Variants in CHL1 observed in about 807,000 individuals in gnomAD.
CHL1 encodes the protein cell adhesion molecule L1 like.
In CHL1, 96 loss-of-function variants were observed where a neutral mutation model predicts 141.9. That is an observed-to-expected ratio of 0.68 (90% CI 0.57 to 0.80). CHL1 has a LOEUF of 0.80. CHL1 is among the 30% of genes least tolerant of loss of function. The probability of loss-of-function intolerance (pLI) is 0.00; values close to 1 mark genes in which losing one functional copy is unlikely to be tolerated. For synonymous variants in CHL1, 613 were observed against 502.2 expected, an observed-to-expected ratio of 1.22 and a Z score of -2.95; for missense variants, 1,820 against 1,457.2, an observed-to-expected ratio of 1.25 and a Z score of -4.05.
At chr3:339,071 T>G (rs1702160467) in intron 5 of CHL1, among the ~76,000 whole-genome samples, 1 of 152,192 alleles carries the variant, frequency 6.6e-6, no homozygotes, top group Non-Finnish European at 1.5e-5. Context: ...TAATCCATAT[T>G]TTATTTCCTC....
At chr3:212,762 T>C (rs1700006492) in intron 1 of CHL1, among the ~76,000 whole-genome samples, 2 of 152,160 alleles carry the variant, frequency 1.3e-5, no homozygotes, top group African/African-American at 2.4e-5. Context: ...ACTGCTCTTG[T>C]CTTCTCAAAG....
chr3:325,313 A>G (rs1442631113), intron 3 of CHL1, among the ~76,000 whole-genome samples: 1 of 152,030 alleles, frequency 6.6e-6, no homozygotes, highest in East Asian at 1.9e-4. Flanking sequence ...TTGTGTATAT[A>G]TTCTGTGGTG....
At chr3:312,904 T>C (rs1283621978) in intron 2 of CHL1, among the ~76,000 whole-genome samples, 5 of 152,232 alleles carry the variant, frequency 3.3e-5, no homozygotes, top group Non-Finnish European at 7.3e-5. Context: ...TATCTCTTCC[T>C]GCTGGCTATA....
intron 2 of CHL1, among the ~76,000 whole-genome samples, chr3:282,024 G>T (rs1696705611): frequency 6.6e-6 from 1 of 152,090 alleles, no homozygotes. Flanking sequence ...TACTGATAAG[G>T]TAGAATTGAT....
At chr3:396,185 A>C (rs1010476837) in intron 24 of CHL1, among the ~76,000 whole-genome samples, 6 of 152,164 alleles carry the variant, frequency 3.9e-5, no homozygotes, top group African/African-American at 1.4e-4. Flanking sequence ...AATTTCACTG[A>C]CTTTACCTAC....
chr3:296,427 T>C (rs1574989062), intron 2 of CHL1, among the ~76,000 whole-genome samples: 1 of 103,420 alleles, frequency 9.7e-6, no homozygotes, highest in South Asian at 4.3e-4. Context: ...GTCGCCTTTC[T>C]CTCATGCTTT....
Position 394,768 on chromosome 3 carries a change from C to G in CHL1, c.2990C>G (p.Ser997Ter). The change falls in exon 24 of 28, where the codon TCA becomes TGA. Residue 997 changes from serine to a stop codon, truncating the protein, a stop_gained. Coordinates refer to ENST00000256509, the MANE Select transcript of CHL1 (RefSeq NM_006614.4). LOFTEE classifies it high-confidence loss of function. ...CCATCAAAGCCCAGCTGGCACCTCT[C>G]AAACCTGAATGCAACTACCAAGTAC... ...TTPSKPSWHL[S>*]NLNATTKYKF... 1 of 1,613,958 alleles carries G rather than the reference C, an allele frequency of 6.2e-7. No homozygotes were observed. Among genetic ancestry groups the G allele is most frequent in the Non-Finnish European group, 8.5e-7 (1 of 1,179,886 alleles).
At chr3:261,238 A>T (rs1294247581) in intron 2 of CHL1, among the ~76,000 whole-genome samples, 1 of 152,052 alleles carries the variant, frequency 6.6e-6, no homozygotes, top group Non-Finnish European at 1.5e-5. Context: ...ATGTTTACTA[A>T]TTTATTTTTT....
intron 2 of CHL1, among the ~76,000 whole-genome samples, chr3:277,929 T>C (rs1696300834): frequency 6.6e-6 from 1 of 152,254 alleles, no homozygotes; most frequent in South Asian, 2.1e-4. Flanking sequence ...ATTTTACATC[T>C]CTGCATCTAA....
At chr3:324,552 CT>C (rs1700848092) in intron 3 of CHL1, among the ~76,000 whole-genome samples, 1 of 151,912 alleles carries the variant, frequency 6.6e-6, no homozygotes, top group African/African-American at 2.4e-5. Flanking sequence ...AGTTGTAATT[CT>C]CAGAAATGTA....
intron 1 of CHL1, among the ~76,000 whole-genome samples, chr3:209,871 A>G (rs1699758588): frequency 6.6e-6 from 1 of 152,204 alleles, no homozygotes; most frequent in African/African-American, 2.4e-5. Flanking sequence ...AGGATTTTGT[A>G]TTGCCCATTC....
intron 2 of CHL1, among the ~76,000 whole-genome samples, chr3:318,151 T>G (rs530226053): frequency 6.6e-6 from 1 of 151,984 alleles, no homozygotes; most frequent in East Asian, 1.9e-4. Flanking sequence ...AAGTAAAGCA[T>G]AAACAGTGTT....
At chr3:324,730 C>G (rs1700874666) in intron 3 of CHL1, among the ~76,000 whole-genome samples, 2 of 151,780 alleles carry the variant, frequency 1.3e-5, no homozygotes, top group Non-Finnish European at 2.9e-5. Context: ...CTTCAACCTC[C>G]TGGTCTCAAA....
chr3:216,483 T>C (rs1017029995), intron 1 of CHL1, among the ~76,000 whole-genome samples: 1 of 152,212 alleles, frequency 6.6e-6, no homozygotes, highest in Non-Finnish European at 1.5e-5. Flanking sequence ...CAGAATACTT[T>C]TATGAATGAA....
intron 2 of CHL1, among the ~76,000 whole-genome samples, chr3:276,756 G>T (rs922210084): frequency 7.2e-5 from 11 of 151,902 alleles, no homozygotes; most frequent in African/African-American, 2.7e-4. Context: ...GGGCATGCTG[G>T]CCGGCACCTG....
intron 23 of CHL1, 22 bp from the exon 24 acceptor site, chr3:394,671 T>C (rs1706421129): frequency 6.5e-7 from 1 of 1,536,346 alleles, no homozygotes; most frequent in Admixed American, 1.8e-5. Context: ...ATTTGAGCTG[T>C]TGTTCATGTT....
intron 1 of CHL1, among the ~76,000 whole-genome samples, chr3:240,574 A>G (rs930124249): frequency 3.9e-5 from 6 of 152,008 alleles, no homozygotes; most frequent in Non-Finnish European, 7.4e-5. Context: ...CTGACTGTTC[A>G]TTTTGCTGAG....
chr3:254,399 G>T (rs975552890), intron 2 of CHL1, among the ~76,000 whole-genome samples: 6 of 152,204 alleles, frequency 3.9e-5, no homozygotes, highest in African/African-American at 1.4e-4. Context: ...AGGAGGTAAA[G>T]TGGGCTGATA....
intron 1 of CHL1, among the ~76,000 whole-genome samples, chr3:226,596 C>T (rs1701377411): frequency 6.6e-6 from 1 of 151,528 alleles, no homozygotes; most frequent in African/African-American, 2.4e-5. Context: ...ATTACAAGCG[C>T]ACACCACGCC....
Sources: gnomAD v4.1 joint callset for allele counts (sites outside exome capture counted in the v4.1 genomes callset) on GRCh38, gnomAD v4.1.1 for gene constraint, MANE v1.5 for transcripts, NCBI Gene and HGNC (gene_info 2026-07-23, HGNC 2026-07-21) for gene names.